The following AMMECR1 variants were observed in gnomAD, a reference collection of about 807,000 sequenced individuals.
AMMECR1 encodes the protein nuclear protein AMMECR1.
In AMMECR1, 3 loss-of-function variants were observed where a neutral mutation model predicts 22.5. The ratio of observed to expected loss-of-function variants is 0.13; its 90% CI spans 0.06 to 0.35. The LOEUF (loss-of-function observed/expected upper bound fraction) is 0.35, where lower values mean the gene tolerates loss of function less well. AMMECR1 is among the 10% of genes least tolerant of loss of function. The probability of loss-of-function intolerance (pLI) is 1.00; values close to 1 mark genes in which losing one functional copy is unlikely to be tolerated. For missense variants in AMMECR1, 235 were observed against 278.7 expected, an observed-to-expected ratio of 0.84 and a Z score of 1.12; for synonymous variants, 130 against 116.7, an observed-to-expected ratio of 1.11 and a Z score of -0.74.
At chrX:110,389,049 A>G (rs1458501259) in intron 2 of AMMECR1, among the ~76,000 whole-genome samples, 1 of 112,204 alleles carries the variant, frequency 8.9e-6, no homozygotes, top group East Asian at 2.8e-4. Context: ...GTGGAACCCT[A>G]GAAGATATTA....
intron 1 of AMMECR1, among the ~76,000 whole-genome samples, chrX:110,315,453 G>A (rs1360833062): frequency 8.9e-6 from 1 of 112,149 alleles, no homozygotes; most frequent in Non-Finnish European, 1.9e-5. Flanking sequence ...ATCCACAGTG[G>A]TCAAAGTGTG....
chrX:110,243,519 C>T (rs1242219338), intron 2 of AMMECR1, among the ~76,000 whole-genome samples: 3 of 112,403 alleles, frequency 2.7e-5, no homozygotes, highest in Non-Finnish European at 5.6e-5. Context: ...TTGTACTAGA[C>T]AAATCAACAG....
At chrX:110,212,225 C>T (rs754513829) in intron 3 of AMMECR1, among the ~76,000 whole-genome samples, 6 of 111,765 alleles carry the variant, frequency 5.4e-5, no homozygotes, top group Non-Finnish European at 7.5e-5. Context: ...TAGCCAGACG[C>T]GTGGCAATTC....
chrX:110,348,128 A>G (rs1196598024), intron 2 of AMMECR1, among the ~76,000 whole-genome samples: 1 of 112,179 alleles, frequency 8.9e-6, no homozygotes, highest in Non-Finnish European at 1.9e-5. Context: ...AAGAATTATT[A>G]TTATAGCAAC....
At chrX:110,225,546 C>T (rs1266987691) in intron 2 of AMMECR1, among the ~76,000 whole-genome samples, 1 of 112,320 alleles carries the variant, frequency 8.9e-6, no homozygotes, top group Non-Finnish European at 1.9e-5. Context: ...GTTGGAATAT[C>T]CCTTATTCAA....
At chrX:110,256,052 G>A (rs1297292167) in intron 2 of AMMECR1, among the ~76,000 whole-genome samples, 1 of 112,094 alleles carries the variant, frequency 8.9e-6, no homozygotes, top group African/African-American at 3.2e-5. Flanking sequence ...GATTCATTCT[G>A]AGAAATGCAT....
intron 2 of AMMECR1, among the ~76,000 whole-genome samples, chrX:110,418,190 C>T (rs941342920): frequency 1.4e-4 from 16 of 112,393 alleles, no homozygotes; most frequent in African/African-American, 5.2e-4. Context: ...TGTAGAGGAA[C>T]AATGTGAAGG....
chrX:110,201,984 C>T (rs1368948406), intron 4 of AMMECR1, among the ~76,000 whole-genome samples: 3 of 111,755 alleles, frequency 2.7e-5, no homozygotes, highest in Non-Finnish European at 5.7e-5. Flanking sequence ...TTCATGTTTT[C>T]GCAATCCTCT....
At chrX:110,288,542 T>C (rs2067892375) in intron 1 of AMMECR1, among the ~76,000 whole-genome samples, 1 of 112,006 alleles carries the variant, frequency 8.9e-6, no homozygotes, top group South Asian at 3.7e-4. Flanking sequence ...AGCAAAATCA[T>C]AGACATTACT....
At chrX:110,244,737 A>G (rs995555176) in intron 2 of AMMECR1, among the ~76,000 whole-genome samples, 3 of 112,173 alleles carry the variant, frequency 2.7e-5, no homozygotes, top group African/African-American at 9.7e-5. Context: ...GTGGAATTGA[A>G]CTGACTAAAC....
chrX:110,423,380 G>GAGAAGGAGAAGGAGAGAAGA (rs2068732679), intron 2 of AMMECR1, among the ~76,000 whole-genome samples: 1 of 108,793 alleles, frequency 9.2e-6, no homozygotes, highest in South Asian at 3.9e-4. Context: ...GGAGAAGAAG[G>GAGAAGGAGAAGGAGAGAAGA]AGAAGGAGAA....
In AMMECR1 at chrX:110,346,910, G is replaced by T. The variant is rs771441392; in HGVS notation, c.-147-29061C>A. The T allele has an allele frequency of 2.5e-4, 146 of 575,153 alleles. No individual in the cohort carries two copies. In the East Asian group the frequency reaches 4.8e-3, roughly 19 times the overall value. 47.4% of individuals were successfully genotyped at this position (575,153 alleles called of 1,213,427 possible). A position where few individuals can be genotyped will look rare whatever the true frequency, so the allele number is the denominator to read the frequency against. On this transcript the variant is annotated intron_variant, in intron 2 of 7. Coordinates refer to the AMMECR1 transcript ENST00000372057. ...CGGCGACGCTGGAGAAGCCAGACAT[G>T]GTGAACGCGGGGGCCGGGCCGATTC...
Position 110,198,470 on chromosome X carries a change from C to T in AMMECR1, c.*50G>A, listed in dbSNP as rs1439258481. On this transcript the variant is annotated 3_prime_UTR_variant, in exon 6 of 6. Transcript: ENST00000262844. ...CTAGACCAAGAAGGTGTAGGGTCTC[C>T]TGGGAAGAGGTCTGCAGAGAGGCCC... 1.2e-6 allele frequency: 1 copy of T among 853,548 alleles called. No homozygotes were observed. Among genetic ancestry groups the T allele is most frequent in the African/African-American group, 2.1e-5 (1 of 47,698 alleles). 70.3% of individuals were successfully genotyped at this position (853,548 alleles called of 1,213,427 possible). A position where few individuals can be genotyped will look rare whatever the true frequency, so the allele number is the denominator to read the frequency against.
intron 2 of AMMECR1, among the ~76,000 whole-genome samples, chrX:110,421,211 C>A (rs1014771342): frequency 1.8e-5 from 2 of 112,260 alleles, no homozygotes; most frequent in South Asian, 3.7e-4. Context: ...TTCAAGGGAC[C>A]AAGCAGGATT....
chrX:110,270,445 A>G (rs1027824639), intron 1 of AMMECR1, among the ~76,000 whole-genome samples: 13 of 111,480 alleles, frequency 1.2e-4, no homozygotes, highest in African/African-American at 4.3e-4. Context: ...AAGTCCTCCA[A>G]ATTTTCTTAC....
At chrX:110,300,414 G>C (rs1474955772) in intron 1 of AMMECR1, among the ~76,000 whole-genome samples, 1 of 112,151 alleles carries the variant, frequency 8.9e-6, no homozygotes, top group Admixed American at 9.4e-5. Flanking sequence ...TAACACAATG[G>C]TCAATTAGTG....
intron 2 of AMMECR1, among the ~76,000 whole-genome samples, chrX:110,394,163 T>C (rs965248900): frequency 1.8e-5 from 2 of 113,130 alleles, no homozygotes; most frequent in African/African-American, 3.2e-5. Context: ...CTTTCCTAAA[T>C]GTATGTGTAG....
At chrX:110,305,973 A>G (rs2067991933) in intron 1 of AMMECR1, among the ~76,000 whole-genome samples, 1 of 110,101 alleles carries the variant, frequency 9.1e-6, no homozygotes, top group Non-Finnish European at 1.9e-5. Context: ...ACAGAGCAAG[A>G]CTCCATCTCA....
chrX:110,376,960 C>T (rs1440713161), intron 2 of AMMECR1, among the ~76,000 whole-genome samples: 6 of 111,698 alleles, frequency 5.4e-5, no homozygotes, highest in Admixed American at 2.8e-4. Flanking sequence ...CCAAATCTGC[C>T]GGACCCACCT....
Sources: allele counts gnomAD v4.1 joint callset (sites outside exome capture counted in the v4.1 genomes callset), GRCh38; gene constraint gnomAD v4.1.1; transcripts MANE v1.5; gene names NCBI Gene and HGNC (gene_info 2026-07-23, HGNC 2026-07-21).